SLF1: variants seen among roughly 807,000 people sequenced by gnomAD.
SLF1 encodes SMC5/6 complex localization factor 1.
Under a neutral mutation model 123.0 loss-of-function variants are expected in SLF1, and 105 were observed. That is an observed-to-expected ratio of 0.85 (90% confidence interval 0.73 to 1.00). The LOEUF (loss-of-function observed/expected upper bound fraction) is 1.00. SLF1 is among the 50% of genes least tolerant of loss of function. The pLI, the probability that SLF1 is intolerant of heterozygous loss-of-function variation, is 0.00. For missense variants in SLF1, 1,239 were observed against 1,223.0 expected (o/e 1.01, Z -0.20); for synonymous variants, 434 against 406.6 (o/e 1.07, Z -0.81).
Position 94,686,672 on chromosome 5 carries a change from A to C in SLF1, c.2075A>C (p.Gln692Pro). The change falls in exon 16 of 21, where the codon CAG (glutamine) becomes CCG (proline). Residue 692 changes from glutamine to proline, a missense_variant. Gln to Pro is a moderately conservative substitution (Grantham distance 76). Transcript: ENST00000265140. The stretch of plus-strand genomic sequence containing the variant: ...GCAGTCTTTAAAAAGTTGTGTCTAC[A>C]GAGCTCTGGCAGTGTTTCTTCTGAG... ...AEAVFKKLCLQSSGSVSSEPL... is the reference protein window; with the variant it reads ...AEAVFKKLCLPSSGSVSSEPL... 1 of 1,614,174 alleles carries C rather than the reference A, an allele frequency of 6.2e-7. No individual in the cohort carries two copies.
At chr5:94,661,571 G>A (rs752555996) in intron 9 of SLF1, among the ~76,000 whole-genome samples, 16 of 149,196 alleles carry the variant, frequency 1.1e-4, no homozygotes, top group Non-Finnish European at 1.8e-4. Context: ...GTCTAGCTCT[G>A]TTGCCCAGGC....
intron 11 of SLF1, 27 bp from the exon 12 acceptor site, chr5:94,665,834 A>G (rs1320661135): frequency 7.9e-6 from 12 of 1,511,294 alleles, no homozygotes; most frequent in Non-Finnish European, 9.0e-6. Flanking sequence ...ATAGTGTTTT[A>G]TTTGTTTGTT....
intron 12 of SLF1, among the ~76,000 whole-genome samples, chr5:94,666,229 A>G (rs1749738011): frequency 6.6e-6 from 1 of 152,180 alleles, no homozygotes; most frequent in South Asian, 2.1e-4. Context: ...CTAAAAAAAT[A>G]AAAAATGAAT....
At chr5:94,687,494 C>T (rs533959709) in intron 16 of SLF1, among the ~76,000 whole-genome samples, 190 of 152,118 alleles carry the variant, frequency 1.2e-3, no homozygotes, top group Non-Finnish European at 2.1e-3. Flanking sequence ...CCCAGGAGTT[C>T]GAGACCAGCC....
At chr5:94,658,391 G>T (rs11949227) in intron 9 of SLF1, among the ~76,000 whole-genome samples, 40,559 of 151,434 alleles carry the variant, frequency 0.27, 5,860 homozygotes, top group African/African-American at 0.32. Context: ...TGAAGGATAG[G>T]TTTTCTGGGT....
In SLF1 at chr5:94,665,886, G is replaced by A. The variant is rs1247555521; in HGVS notation, c.1394G>A (p.Arg465Gln). 5.8e-6 allele frequency: 9 copies of A among 1,546,992 alleles called. No individual in the cohort carries two copies. The South Asian group carries it at 9.5e-5, about 16-fold the overall frequency. Residue 465 changes from arginine to glutamine, a missense_variant, in exon 12 of 21, where the codon CGA (arginine) becomes CAA (glutamine). By Grantham distance (43) the Arg-to-Gln change is conservative. Transcript: ENST00000265140. The stretch of plus-strand genomic sequence containing the variant: ...GATAACATAGATACATTTTCTGGTC[G>A]ATACTTTCATATATTGTCAGCTCTT... ...LQDNIDTFSGRYFHILSALLH... is the reference protein window; with the variant it reads ...LQDNIDTFSGQYFHILSALLH...
intron 1 of SLF1, among the ~76,000 whole-genome samples, chr5:94,623,553 A>G (rs947793502): frequency 1.3e-5 from 2 of 151,686 alleles, no homozygotes; most frequent in African/African-American, 2.4e-5. Flanking sequence ...AACACCCCCT[A>G]TTAGTTCTAG....
At chr5:94,689,416 A>AT in intron 17 of SLF1, 57 bp from the exon 18 acceptor site, 1 of 1,553,388 alleles carries the variant, frequency 6.4e-7, no homozygotes, top group Admixed American at 1.9e-5. Flanking sequence ...CATCTAATGT[A>AT]TGCTGGCACG....
chr5:94,654,394 G>GAAAAAAAA (rs11427225), intron 8 of SLF1, among the ~76,000 whole-genome samples: 1 of 106,762 alleles, frequency 9.4e-6, no homozygotes, highest in Admixed American at 9.0e-5. Flanking sequence ...AGAGTAAAAA[G>GAAAAAAAA]AAAAAAAAAA....
intron 17 of SLF1, among the ~76,000 whole-genome samples, chr5:94,688,870 T>G (rs527444405): frequency 4.6e-5 from 7 of 152,342 alleles, no homozygotes; most frequent in South Asian, 2.1e-4. Flanking sequence ...CCAAAAGAAA[T>G]AAAACTGCTC....
chr5:94,670,029 C>CT (rs1750266365), intron 12 of SLF1, 122 bp from the exon 13 acceptor site: 2 of 1,018,756 alleles, frequency 2.0e-6, no homozygotes, highest in Non-Finnish European at 2.7e-6. Context: ...TTTTGTTGAA[C>CT]TTTCTATTTT....
intron 14 of SLF1, 48 bp from the exon 15 acceptor site, chr5:94,678,760 T>C (rs1383693542): frequency 3.4e-6 from 5 of 1,485,188 alleles, no homozygotes; most frequent in Non-Finnish European, 4.6e-6. Context: ...CTAACAGAAA[T>C]TCAATATTGT....
In SLF1 at chr5:94,693,243, G is replaced by T. The variant is rs1166799557; in HGVS notation, c.2695+987G>T. ...TCTCCTGCCCCCTAAAGGCCTTAGT[G>T]TGTCTGTTTTACTGATATCATTTCA... On this transcript the variant is annotated intron_variant, in intron 20 of 20. Coordinates refer to ENST00000265140, the MANE Select transcript of SLF1 (RefSeq NM_032290.4). Among the ~76,000 whole-genome samples the T allele has an allele frequency of 4.6e-5, 7 of 152,094 alleles. No homozygotes were observed. The South Asian group carries it at 1.5e-3, about 32-fold the overall frequency.
rs1744931842 is a variant in SLF1 at position 94,629,128 on chromosome 5, C to G, written c.151C>G (p.Leu51Val). ...TTGTACACATCTTATAGCTGAACGCCTATGTAAGAGTGAAAAATTTTTAGC... is the reference window on the plus strand; with the variant it reads ...TTGTACACATCTTATAGCTGAACGCGTATGTAAGAGTGAAAAATTTTTAGC... The part of the protein sequence containing the change: ...KNCTHLIAER[L>V]CKSEKFLAAC... Residue 51 changes from leucine to valine, a missense_variant, in exon 3 of 21, where the codon CTA becomes GTA. Leu to Val is a conservative substitution (Grantham distance 32, BLOSUM62 1). Coordinates refer to ENST00000265140, the MANE Select transcript of SLF1 (RefSeq NM_032290.4). 1 of 1,548,840 alleles carries G rather than the reference C, an allele frequency of 6.5e-7. No homozygotes were observed. The highest frequency in any genetic ancestry group is 2.0e-5 in the Admixed American group (1 of 50,554).
intron 16 of SLF1, among the ~76,000 whole-genome samples, chr5:94,687,532 A>G (rs1752578510): frequency 6.6e-6 from 1 of 151,922 alleles, no homozygotes; most frequent in African/African-American, 2.4e-5. Flanking sequence ...CTCTGTCTCT[A>G]AAAAAAAGTT....
chr5:94,670,779 A>G lies in SLF1; in HGVS notation c.1662-64A>G, dbSNP rs1178314459. 5 of 1,190,234 alleles carry G rather than the reference A, an allele frequency of 4.2e-6. No individual in the cohort carries two copies. In the African/African-American group the frequency reaches 6.2e-5, roughly 15 times the overall value. 73.7% of individuals were successfully genotyped at this position (1,190,234 alleles called of 1,614,324 possible). A position where few individuals can be genotyped will look rare whatever the true frequency, so the allele number is the denominator to read the frequency against. On this transcript the variant is annotated intron_variant, in intron 13 of 20. Transcript: ENST00000265140. Reference sequence around the variant, plus strand: ...GCTAGCATTTTTTTTGACAGGAGAGATGTCAAGTAATTGTCATGATCAAAT... The same window carrying G: ...GCTAGCATTTTTTTTGACAGGAGAGGTGTCAAGTAATTGTCATGATCAAAT...
At chr5:94,690,134 G>T (rs888317704) in intron 18 of SLF1, among the ~76,000 whole-genome samples, 6 of 152,142 alleles carry the variant, frequency 3.9e-5, no homozygotes, top group African/African-American at 1.2e-4. Flanking sequence ...GTACCTAAAG[G>T]ATGAAATAAC....
intron 8 of SLF1, among the ~76,000 whole-genome samples, chr5:94,653,850 A>G (rs1027144759): frequency 1.7e-5 from 2 of 120,748 alleles, no homozygotes; most frequent in Admixed American, 1.7e-4. Context: ...TTTCTGGAGT[A>G]TGACTTTTTT....
chr5:94,654,931 G>T (rs1748200106), intron 9 of SLF1, among the ~76,000 whole-genome samples, 179 bp downstream of exon 9: 1 of 151,986 alleles, frequency 6.6e-6, no homozygotes, highest in African/African-American at 2.4e-5. Context: ...TAGTAAATAG[G>T]CTGAATTCTG....
Sources: gnomAD v4.1 joint callset for allele counts (sites outside exome capture counted in the v4.1 genomes callset) on GRCh38, gnomAD v4.1.1 for gene constraint, MANE v1.5 for transcripts, NCBI Gene and HGNC (gene_info 2026-07-23, HGNC 2026-07-21) for gene names.